Variants in OVGP1 observed in about 807,000 individuals in gnomAD.
The protein encoded by OVGP1 is oviduct-specific glycoprotein.
Under a neutral mutation model 48.2 loss-of-function variants are expected in OVGP1, and 26 were observed. The ratio of observed to expected loss-of-function variants is 0.54; its 90% CI spans 0.40 to 0.75. The LOEUF is 0.75. Ranked by LOEUF, OVGP1 falls within the 30% of genes least tolerant of loss-of-function variation. The probability of loss-of-function intolerance (pLI) is 0.00; values close to 1 mark genes in which losing one functional copy is unlikely to be tolerated. For missense variants in OVGP1, 791 were observed against 820.6 expected, an observed-to-expected ratio of 0.96 and a Z score of 0.44; for synonymous variants, 294 against 305.7, an observed-to-expected ratio of 0.96 and a Z score of 0.40.
Position 111,425,450 on chromosome 1 carries a change from A to T in OVGP1, c.261-11T>A, listed in dbSNP as rs746452321. On this transcript the variant is annotated splice_polypyrimidine_tract_variant and intron_variant, in intron 3 of 10. Transcript: ENST00000369732. ...TTCAGCTCTCTGTTCCTATGATGTG[A>T]GAGAGAGGGTTGATGAGCTGGGTTC... 1.2e-6 allele frequency: 2 copies of T among 1,613,774 alleles called. No homozygotes were observed. Among genetic ancestry groups the T allele is most frequent in the African/African-American group, 2.7e-5 (2 of 74,878 alleles).
intron 9 of OVGP1, chr1:111,416,756 C>T (rs553369934): frequency 2.1e-5 from 5 of 239,390 alleles, no homozygotes; most frequent in East Asian, 1.6e-4. Context: ...ATGGATGAAG[C>T]GTGAAGACAC....
At chr1:111,425,287 C>T in intron 4 of OVGP1, 96 bp downstream of exon 4, 1 of 1,413,916 alleles carries the variant, frequency 7.1e-7, no homozygotes, top group Admixed American at 1.9e-5. Flanking sequence ...GCTAGCTTTG[C>T]TGTCCGCATG....
chr1:111,414,325 T>C lies in OVGP1; in HGVS notation c.*139A>G. ...TCTCAGAGAACTCGGTGGGTTCTTG[T>C]GTTTACAGTTTATTTAATGGAAAAG... On this transcript the variant is annotated 3_prime_UTR_variant, in exon 11 of 11. Coordinates refer to ENST00000369732, the MANE Select transcript of OVGP1 (RefSeq NM_002557.4). 1 of 702,082 alleles carries C rather than the reference T, an allele frequency of 1.4e-6. No homozygotes were observed. The highest frequency in any genetic ancestry group is 2.4e-6 in the Non-Finnish European group (1 of 420,362). The allele number at this position is 702,082 out of a possible 1,614,324, so 43.5% of individuals were successfully genotyped here. A position where few individuals can be genotyped will look rare whatever the true frequency, so the allele number is the denominator to read the frequency against.
At chr1:111,419,248 T>C (rs1377765761) in intron 9 of OVGP1, among the ~76,000 whole-genome samples, 1 of 152,198 alleles carries the variant, frequency 6.6e-6, no homozygotes, top group Non-Finnish European at 1.5e-5. Context: ...TTCTGCTACA[T>C]GTCAGTAATA....
At position 111,415,460 on chromosome 1, in the gene OVGP1, G is replaced by A. The variant is rs1557781632; in HGVS notation, c.1157-116C>T. 4 of 908,296 alleles carry A rather than the reference G, an allele frequency of 4.4e-6. No homozygotes were observed. In the African/African-American group the frequency reaches 5.1e-5, roughly 12 times the overall value. 56.3% of individuals were successfully genotyped at this position (908,296 alleles called of 1,614,324 possible). A position where few individuals can be genotyped will look rare whatever the true frequency, so the allele number is the denominator to read the frequency against. The stretch of plus-strand genomic sequence containing the variant: ...AAGTACCTGCTCCAAAAATTCAGAA[G>A]TGTAAGATTTCATACTATACCTACT... On this transcript the variant is annotated intron_variant, in intron 10 of 10. Coordinates refer to ENST00000369732, the MANE Select transcript of OVGP1 (RefSeq NM_002557.4).
intron 10 of OVGP1, 97 bp downstream of exon 10, chr1:111,416,226 T>C: frequency 1.5e-6 from 2 of 1,291,212 alleles, no homozygotes; most frequent in Admixed American, 2.7e-5. Flanking sequence ...CTCAATGTCA[T>C]GTTGCCTCAC....
intron 8 of OVGP1, 38 bp downstream of exon 8, chr1:111,421,238 A>C (rs372798868): frequency 1.3e-6 from 2 of 1,539,744 alleles, no homozygotes; most frequent in African/African-American, 1.4e-5. Context: ...GGGGTGGGAG[A>C]GTCCTAACTG....
chr1:111,414,894 CTCACAGGGGTCACAGACT>C lies in OVGP1; in HGVS notation c.1589_1606del (p.Gln530_Ser536delinsArg), dbSNP rs768330374. On this transcript the variant is annotated inframe_deletion, in exon 11 of 11. Transcript: ENST00000369732. The stretch of plus-strand genomic sequence containing the variant: ...TCCTCCAGGGCTCACAGACTGATGA[CTCACAGGGGTCACAGACT>C]GATGACCCACAGGGGTCAGGGTCTT... The C allele has an allele frequency of 5.4e-6, 4 of 746,254 alleles. No individual in the cohort carries two copies. The highest frequency in any genetic ancestry group is 5.5e-5 in the Admixed American group (2 of 36,200). The allele number at this position is 746,254 out of a possible 1,614,324, so 46.2% of individuals were successfully genotyped here.
intron 6 of OVGP1, among the ~76,000 whole-genome samples, chr1:111,422,309 A>C (rs1652291656): frequency 6.9e-6 from 1 of 143,960 alleles, no homozygotes; most frequent in Non-Finnish European, 1.5e-5. Flanking sequence ...ACATTGAAAC[A>C]ATTCTCTAGC....
In OVGP1 at chr1:111,426,229, A is replaced by AG. The variant is rs1310586235; in HGVS notation, c.260+207_260+208insC. ...GAGAAGCACATTCCAGGCAGAGACA[A>AG]CAGCAACTACAAAAGTAAGGAGGCA... On this transcript the variant is annotated intron_variant, in intron 3 of 10. Coordinates refer to ENST00000369732, the MANE Select transcript of OVGP1 (RefSeq NM_002557.4). Among the ~76,000 whole-genome samples the AG allele has an allele frequency of 5.3e-5, 8 of 152,296 alleles. No homozygotes were observed. The East Asian group carries it at 1.5e-3, about 29-fold the overall frequency.
chr1:111,421,704 A>G (rs754977932), intron 6 of OVGP1, 31 bp from the exon 7 acceptor site: 3 of 1,352,976 alleles, frequency 2.2e-6, no homozygotes, highest in Non-Finnish European at 3.2e-6. Context: ...AGATATAAAG[A>G]CTGGGCTAGC....
Position 111,415,223 on chromosome 1 carries a change from T to C in OVGP1, c.1278A>G (p.Pro426=). ...TCTCAGTGACCCCAGCCTCTCCTCCTGGGGGCAAAATCTTACTATCAGTGG... is the reference window on the plus strand; with the variant it reads ...TCTCAGTGACCCCAGCCTCTCCTCCCGGGGGCAAAATCTTACTATCAGTGG... ...AWTTDSKILP[P]GGEAGVTEIH... is the part of the protein sequence containing the mutation. Residue 426 remains proline, a synonymous_variant, in exon 11 of 11, where the codon CCA becomes CCG. Transcript: ENST00000369732. 5 of 1,614,210 alleles carry C rather than the reference T, an allele frequency of 3.1e-6. No homozygotes were observed. Among genetic ancestry groups the C allele is most frequent in the Non-Finnish European group, 4.2e-6 (5 of 1,180,038 alleles).
At position 111,414,466 on chromosome 1, in the gene OVGP1, A is replaced by C; in HGVS notation, c.2035T>G (p.Ter679GluextTer16). Reference protein sequence around the residue: ...PENSAVDEEA* With the variant: ...PENSAVDEEAE ...CTGGTTTCTGACACCAGAGGGGCTT[A>C]GGCTTCTTCATCCACAGCAGAGTTT... Residue 679 changes from the stop codon to glutamate (E), a stop_lost, in exon 11 of 11, where the codon TAA (stop) becomes GAA (glutamate). Transcript: ENST00000369732. 1 of 1,608,776 alleles carries C rather than the reference A, an allele frequency of 6.2e-7. No homozygotes were observed. Among genetic ancestry groups the C allele is most frequent in the South Asian group, 1.1e-5 (1 of 90,582 alleles).
chr1:111,421,780 T>G, intron 6 of OVGP1, 107 bp from the exon 7 acceptor site: 4 of 701,706 alleles, frequency 5.7e-6, no homozygotes, highest in Non-Finnish European at 9.9e-6. Context: ...TCACCAGAGC[T>G]TCCCTGCTCC....
In OVGP1 at chr1:111,427,232, C is replaced by T. The variant is rs1652421401; in HGVS notation, c.26-141G>A. ...GCAGACACACAAATGGGGACACACA[C>T]ACCATTTACTCGTTTCCTAGTTTCT... On this transcript the variant is annotated intron_variant, in intron 1 of 10. Coordinates refer to ENST00000369732, the MANE Select transcript of OVGP1 (RefSeq NM_002557.4). 2.6e-6 allele frequency: 4 copies of T among 1,510,830 alleles called. No homozygotes were observed. In the South Asian group the frequency reaches 4.0e-5, roughly 15 times the overall value. The allele number at this position is 1,510,830 out of a possible 1,614,324, so 93.6% of individuals were successfully genotyped here. A position where few individuals can be genotyped will look rare whatever the true frequency, so the allele number is the denominator to read the frequency against.
At chr1:111,415,557 A>G (rs1255195112) in intron 10 of OVGP1, among the ~76,000 whole-genome samples, 1 of 152,186 alleles carries the variant, frequency 6.6e-6, no homozygotes, top group African/African-American at 2.4e-5. Flanking sequence ...GGTCCCAGAC[A>G]CCCACAGGCA....
Position 111,421,352 on chromosome 1 carries a change from C to A in OVGP1, c.827G>T (p.Gly276Val). Residue 276 changes from glycine (G) to valine (V), a missense_variant, in exon 8 of 11, where the codon GGG (glycine) becomes GTG (valine). Transcript: ENST00000369732. ...TGGTCCGATCGCTCTGGCCTGCAAC[C>A]CATTCTTAGAGGCTTTGAGGAGGCG... ...TFRLLKASKN[G>V]LQARAIGPAS... The A allele has an allele frequency of 6.2e-7, 1 of 1,614,118 alleles. No individual in the cohort carries two copies. Among genetic ancestry groups the A allele is most frequent in the Non-Finnish European group, 8.5e-7 (1 of 1,180,018 alleles).
Position 111,421,613 on chromosome 1 carries a change from T to G in OVGP1, c.669A>C (p.Thr223=). Residue 223 remains threonine (T), a synonymous_variant, in exon 7 of 11, where the codon ACA becomes ACC. Coordinates refer to ENST00000369732, the MANE Select transcript of OVGP1 (RefSeq NM_002557.4). ...YDLHGSWERF[T]GHNSPLFSLP... Reference sequence around the variant, plus strand: ...GAGAGAAGAGGGGGCTATTATGTCCTGTGAACCTTTCCCAACTTCCATGTA... The same window carrying G: ...GAGAGAAGAGGGGGCTATTATGTCCGGTGAACCTTTCCCAACTTCCATGTA... 6.2e-7 allele frequency: 1 copy of G among 1,613,504 alleles called. No homozygotes were observed. The highest frequency in any genetic ancestry group is 8.5e-7 in the Non-Finnish European group (1 of 1,179,372).
chr1:111,425,405 C>T lies in OVGP1; in HGVS notation c.295G>A (p.Gly99Arg), dbSNP rs1240833534. 3.7e-6 allele frequency: 6 copies of T among 1,614,048 alleles called. No individual in the cohort carries two copies. Among genetic ancestry groups the T allele is most frequent in the East Asian group, 2.2e-5 (1 of 44,872 alleles). ...CACCTTGAGGTGCCAAAGTTCCACC[C>T]GCCGATGGACAGTAGTGTTTTCAGC... ...RELKTLLSIG[G>R]WNFGTSRFTT... is the part of the protein sequence containing the mutation. Residue 99 changes from glycine (G) to arginine (R), a missense_variant, in exon 4 of 11, where the codon GGG becomes AGG. Physicochemically the swap from Gly to Arg is moderately radical, Grantham distance 125. Transcript: ENST00000369732.
Sources: allele counts gnomAD v4.1 joint callset (sites outside exome capture counted in the v4.1 genomes callset), GRCh38; gene constraint gnomAD v4.1.1; transcripts MANE v1.5; gene names NCBI Gene and HGNC (gene_info 2026-07-23, HGNC 2026-07-21).